The following TBC1D22A variants were observed in gnomAD, a reference collection of about 807,000 sequenced individuals.
TBC1D22A encodes putative GTPase activator.
TBC1D22A carries 38 observed loss-of-function variants against 60.2 expected under a neutral mutation model. The ratio of observed to expected loss-of-function variants is 0.63; its 90% CI spans 0.49 to 0.83. TBC1D22A has a LOEUF of 0.83. Among genes scored for constraint, TBC1D22A ranks in the 40% least tolerant of loss-of-function variants. The pLI, the probability that TBC1D22A is intolerant of heterozygous loss-of-function variation, is 0.00. For synonymous variants in TBC1D22A, 302 were observed against 281.7 expected (o/e 1.07, Z -0.72); for missense variants, 628 against 701.0 (o/e 0.90, Z 1.18).
intron 4 of TBC1D22A, among the ~76,000 whole-genome samples, chr22:46,841,743 T>C (rs1015881657): frequency 1.3e-5 from 2 of 152,216 alleles, no homozygotes; most frequent in Admixed American, 6.5e-5. Context: ...ATACGATGAA[T>C]CAGTTCTAGG....
At chr22:46,774,358 G>T in intron 1 of TBC1D22A, 1 of 677,442 alleles carries the variant, frequency 1.5e-6, no homozygotes, top group Non-Finnish European at 1.8e-6. Context: ...CGTGCTGTGG[G>T]GAACTTTCAT....
intron 6 of TBC1D22A, among the ~76,000 whole-genome samples, chr22:46,893,078 C>T (rs1202905526): frequency 6.6e-6 from 1 of 152,198 alleles, no homozygotes; most frequent in African/African-American, 2.4e-5. Context: ...CCCGACCAGC[C>T]GTCTGACCCG....
intron 11 of TBC1D22A, among the ~76,000 whole-genome samples, chr22:47,075,434 G>T (rs2064167264): frequency 6.6e-6 from 1 of 152,144 alleles, no homozygotes. Flanking sequence ...TGTAATCCCA[G>T]CATCTTGGGA....
intron 11 of TBC1D22A, among the ~76,000 whole-genome samples, chr22:47,072,321 ACT>A (rs1306183914): frequency 3.3e-5 from 5 of 152,210 alleles, no homozygotes; most frequent in African/African-American, 1.2e-4. Context: ...CTTTGGGGCC[ACT>A]CTGCCTCATT....
chr22:46,947,639 G>A (rs1162674271), intron 8 of TBC1D22A, among the ~76,000 whole-genome samples: 2 of 152,184 alleles, frequency 1.3e-5, no homozygotes, highest in African/African-American at 2.4e-5. Context: ...GCACGTCCTA[G>A]TTTCTTTCAT....
At chr22:47,055,904 ACGC>A (rs1407343664) in intron 11 of TBC1D22A, among the ~76,000 whole-genome samples, 103 of 152,090 alleles carry the variant, frequency 6.8e-4, no homozygotes, top group Non-Finnish European at 1.2e-3. Flanking sequence ...TCGGTGAGAT[ACGC>A]CACTGAGGGT....
intron 8 of TBC1D22A, chr22:46,915,575 G>A (rs529614164): frequency 1.8e-5 from 8 of 456,594 alleles, no homozygotes; most frequent in Non-Finnish European, 3.5e-5. Context: ...GGATGAGCTT[G>A]TGTTGTTACT....
At position 47,159,994 on chromosome 22, in the gene TBC1D22A, A is replaced by C. The variant is rs535200613; in HGVS notation, c.1426-13504A>C. 2.4e-4 allele frequency among the ~76,000 whole-genome samples: 36 copies of C among 151,962 alleles called. 1 individual carries two copies. In the Middle Eastern group the frequency reaches 0.014, roughly 57 times the overall value. Reference sequence around the variant, plus strand: ...CATACAGGTGACTCACACACACCCCACACACACACTGCACACCATATACAC... The same window carrying C: ...CATACAGGTGACTCACACACACCCCCCACACACACTGCACACCATATACAC... On this transcript the variant is annotated intron_variant, in intron 12 of 12. Coordinates refer to ENST00000337137, the MANE Select transcript of TBC1D22A (RefSeq NM_014346.5).
chr22:47,146,665 G>T (rs560062000), intron 12 of TBC1D22A, among the ~76,000 whole-genome samples: 13 of 152,330 alleles, frequency 8.5e-5, no homozygotes, highest in African/African-American at 3.1e-4. Flanking sequence ...GACAGGCAGC[G>T]AGATGGTTCT....
chr22:47,030,336 G>A (rs1217406898), intron 10 of TBC1D22A, among the ~76,000 whole-genome samples: 1 of 152,192 alleles, frequency 6.6e-6, no homozygotes. Context: ...CATAAACAGT[G>A]TGTGTTTTAT....
intron 11 of TBC1D22A, among the ~76,000 whole-genome samples, chr22:47,090,063 G>A (rs868420255): frequency 1.7e-4 from 26 of 152,242 alleles, no homozygotes; most frequent in African/African-American, 5.1e-4. Context: ...CGTGCGCAGC[G>A]GTCCCGTGCT....
chr22:47,085,797 A>G (rs971286408), intron 11 of TBC1D22A, among the ~76,000 whole-genome samples: 6 of 152,218 alleles, frequency 3.9e-5, no homozygotes, highest in African/African-American at 1.4e-4. Context: ...TTCAAATAAT[A>G]TAGTTTTATG....
intron 12 of TBC1D22A, among the ~76,000 whole-genome samples, chr22:47,158,633 G>A (rs1305836931): frequency 6.6e-6 from 1 of 152,142 alleles, no homozygotes; most frequent in Non-Finnish European, 1.5e-5. Context: ...ACCCAGCATG[G>A]GGCCTCTGCT....
At chr22:46,798,807 G>T (rs556484853) in intron 4 of TBC1D22A, among the ~76,000 whole-genome samples, 17 of 152,354 alleles carry the variant, frequency 1.1e-4, no homozygotes, top group African/African-American at 4.1e-4. Context: ...CGGATGGGCC[G>T]CCAGGAGCCA....
rs140832345 is a variant in TBC1D22A at position 46,802,620 on chromosome 22, C to T, written c.637+5000C>T. ...AGGAGCTCTGCTTTTACTTCGAGCA[C>T]AGCATGAAGCCTCTGGGAGGTTTTG... On this transcript the variant is annotated intron_variant, in intron 4 of 12. Transcript: ENST00000337137. 2.4e-3 allele frequency among the ~76,000 whole-genome samples: 364 copies of T among 152,320 alleles called. 1 individual carries two copies. Among genetic ancestry groups the T allele is most frequent in the African/African-American group, 8.1e-3 (337 of 41,560 alleles).
chr22:46,829,277 C>T (rs1047565812), intron 4 of TBC1D22A, among the ~76,000 whole-genome samples: 1 of 152,206 alleles, frequency 6.6e-6, no homozygotes, highest in African/African-American at 2.4e-5. Flanking sequence ...TCTTATTCAT[C>T]TTCAGGTTCC....
chr22:46,804,041 G>A (rs553771518), intron 4 of TBC1D22A, among the ~76,000 whole-genome samples: 18 of 152,208 alleles, frequency 1.2e-4, no homozygotes, highest in Non-Finnish European at 1.9e-4. Context: ...AATTTACTAG[G>A]TAAGTAACTG....
At chr22:47,139,778 GCAGGAGAAGCCCCGCT>G (rs912364711) in intron 12 of TBC1D22A, among the ~76,000 whole-genome samples, 4 of 152,222 alleles carry the variant, frequency 2.6e-5, no homozygotes, top group African/African-American at 9.6e-5. Context: ...AGGAGTGGCG[GCAGGAGAAGCCCCGCT>G]CTCACTGCCT....
At position 47,121,683 on chromosome 22, in the gene TBC1D22A, A is replaced by G. The variant is rs564380765; in HGVS notation, c.1425+10080A>G. On this transcript the variant is annotated intron_variant, in intron 12 of 12. Coordinates refer to ENST00000337137, the MANE Select transcript of TBC1D22A (RefSeq NM_014346.5). ...TGACTTAGTTTTCATTAGTAGAGTT[A>G]TGGATATTTTATTTTCTTGTTTGAA... 5.3e-5 allele frequency among the ~76,000 whole-genome samples: 8 copies of G among 151,338 alleles called. No homozygotes were observed. The South Asian group carries it at 1.3e-3, about 24-fold the overall frequency.
Sources: gnomAD v4.1 joint callset for allele counts (sites outside exome capture counted in the v4.1 genomes callset) on GRCh38, gnomAD v4.1.1 for gene constraint, MANE v1.5 for transcripts, NCBI Gene and HGNC (gene_info 2026-07-23, HGNC 2026-07-21) for gene names.